The following HPSE2 variants were observed in gnomAD, a reference collection of about 807,000 sequenced individuals.
The protein encoded by HPSE2 is inactive heparanase-2.
Under a neutral mutation model 60.5 loss-of-function variants are expected in HPSE2, and 38 were observed. That is an observed-to-expected ratio of 0.63 (90% confidence interval 0.48 to 0.82). The LOEUF is 0.82. HPSE2 is among the 40% of genes least tolerant of loss of function. The probability of loss-of-function intolerance (pLI) is 0.00; values close to 1 mark genes in which losing one functional copy is unlikely to be tolerated. For missense variants in HPSE2, 713 were observed against 740.4 expected (o/e 0.96, Z 0.43); for synonymous variants, 295 against 293.2 (o/e 1.01, Z -0.06).
intron 3 of HPSE2, among the ~76,000 whole-genome samples, chr10:98,794,243 A>AT (rs67286674): frequency 0.033 from 4,733 of 144,246 alleles, 245 homozygotes; most frequent in African/African-American, 0.1. Context: ...CATTGCATTA[A>AT]TTTTTTTTTT....
At position 99,017,699 on chromosome 10, in the gene HPSE2, C is replaced by A. The variant is rs377082078; in HGVS notation, c.610+126539G>T. Among the ~76,000 whole-genome samples, 722 of 152,268 alleles carry A rather than the reference C, an allele frequency of 4.7e-3. 5 individuals are homozygous for A. The highest frequency in any genetic ancestry group is 8.4e-3 in the Non-Finnish European group (569 of 68,008). ...AGCCTATTTATTACTACCTCAATTT[C>A]AAAGCCTGTTACTTGACGTGGCTAC... On this transcript the variant is annotated intron_variant, in intron 3 of 11. Coordinates refer to ENST00000370552, the MANE Select transcript of HPSE2 (RefSeq NM_021828.5).
intron 9 of HPSE2, 30 bp from the exon 10 acceptor site, chr10:98,490,226 C>G: frequency 6.2e-7 from 1 of 1,609,708 alleles, no homozygotes; most frequent in Admixed American, 1.7e-5. Flanking sequence ...AGAGGGTCAG[C>G]GAGAGAACAC....
the HPSE2 span, among the ~76,000 whole-genome samples, chr10:99,275,716 T>G: frequency 1.3e-5 from 2 of 152,154 alleles, no homozygotes; most frequent in Admixed American, 1.3e-4. Flanking sequence ...AACAGTAACA[T>G]CCGTCTTGGG....
At chr10:98,907,859 T>C (rs1953867090) in intron 3 of HPSE2, among the ~76,000 whole-genome samples, 1 of 152,198 alleles carries the variant, frequency 6.6e-6, no homozygotes, top group African/African-American at 2.4e-5. Context: ...CAACAAACTA[T>C]AATTTCCTTT....
intron 9 of HPSE2, among the ~76,000 whole-genome samples, chr10:98,494,257 G>T (rs1361362352): frequency 6.6e-6 from 1 of 152,172 alleles, no homozygotes; most frequent in Non-Finnish European, 1.5e-5. Flanking sequence ...ATAACCTGAC[G>T]CATCCACCCT....
intron 4 of HPSE2, among the ~76,000 whole-genome samples, chr10:98,740,102 AAG>A (rs1339419448): frequency 1.3e-5 from 2 of 152,158 alleles, no homozygotes; most frequent in Admixed American, 1.3e-4. Flanking sequence ...GTTATATCCA[AAG>A]AAAGTAATTG....
intron 11 of HPSE2, among the ~76,000 whole-genome samples, chr10:98,465,961 G>C (rs1366589740): frequency 6.6e-6 from 1 of 152,206 alleles, no homozygotes; most frequent in East Asian, 1.9e-4. Flanking sequence ...GATTCAAAGT[G>C]TCAGTTTGGA....
chr10:98,772,260 A>G (rs1412509387), intron 3 of HPSE2, among the ~76,000 whole-genome samples: 3 of 152,138 alleles, frequency 2.0e-5, no homozygotes, highest in Non-Finnish European at 2.9e-5. Flanking sequence ...GGGCAAATAT[A>G]ATAGATGAGC....
At chr10:98,621,044 A>G (rs1251578336) in intron 7 of HPSE2, among the ~76,000 whole-genome samples, 2 of 152,158 alleles carry the variant, frequency 1.3e-5, no homozygotes, top group Non-Finnish European at 2.9e-5. Flanking sequence ...CCATATCAAC[A>G]AGCATTGAGA....
At chr10:98,987,103 G>A (rs11189923) in intron 3 of HPSE2, among the ~76,000 whole-genome samples, 72,034 of 150,772 alleles carry the variant, frequency 0.48, 19,086 homozygotes, top group East Asian at 0.62. Flanking sequence ...AAACTATTCC[G>A]ATCAATAGAA....
chr10:98,960,053 CA>C, intron 3 of HPSE2, among the ~76,000 whole-genome samples: 1 of 152,258 alleles, frequency 6.6e-6, no homozygotes, highest in Non-Finnish European at 1.5e-5. Context: ...TTATATCCAT[CA>C]AACCTAAAAT....
intron 9 of HPSE2, among the ~76,000 whole-genome samples, chr10:98,566,089 C>A (rs1413071107): frequency 6.6e-6 from 1 of 152,176 alleles, no homozygotes; most frequent in Non-Finnish European, 1.5e-5. Context: ...TACTGTGTTA[C>A]AATAAAAATA....
At chr10:99,302,027 A>C in the HPSE2 span, among the ~76,000 whole-genome samples, 3 of 152,018 alleles carry the variant, frequency 2.0e-5, no homozygotes, top group Non-Finnish European at 2.9e-5. Flanking sequence ...CTGACCTCAA[A>C]GATGAGCCCC....
chr10:98,825,556 T>C (rs551132647), intron 3 of HPSE2, among the ~76,000 whole-genome samples: 1 of 141,594 alleles, frequency 7.1e-6, no homozygotes, highest in East Asian at 2.3e-4. Flanking sequence ...AGAATTAAAT[T>C]AGCCTTCTCT....
chr10:98,533,395 T>A (rs1943188323), intron 9 of HPSE2, among the ~76,000 whole-genome samples: 1 of 152,126 alleles, frequency 6.6e-6, no homozygotes, highest in Admixed American at 6.5e-5. Flanking sequence ...TTCTTTTGAG[T>A]CATTGGAACA....
intron 3 of HPSE2, among the ~76,000 whole-genome samples, chr10:99,016,452 G>T (rs903888684): frequency 2.0e-5 from 3 of 152,104 alleles, no homozygotes; most frequent in African/African-American, 7.2e-5. Flanking sequence ...GGTATAGTTT[G>T]AAGTCAGGTA....
chr10:98,938,149 C>A (rs1318788738), intron 3 of HPSE2, among the ~76,000 whole-genome samples: 7 of 143,678 alleles, frequency 4.9e-5, no homozygotes, highest in South Asian at 2.1e-4. Flanking sequence ...AAAAACAGAG[C>A]AGAAAAACTG....
chr10:98,769,616 T>C (rs1352326851), intron 3 of HPSE2, among the ~76,000 whole-genome samples: 1 of 152,184 alleles, frequency 6.6e-6, no homozygotes, highest in Non-Finnish European at 1.5e-5. Flanking sequence ...AATGACTATG[T>C]AGAGATATGG....
intron 3 of HPSE2, among the ~76,000 whole-genome samples, chr10:98,913,372 T>C (rs1954033571): frequency 6.6e-6 from 1 of 152,222 alleles, no homozygotes; most frequent in Non-Finnish European, 1.5e-5. Context: ...TTTATTTATC[T>C]GCTTTAATAG....
Sources: gnomAD v4.1 joint callset for allele counts (sites outside exome capture counted in the v4.1 genomes callset) on GRCh38, gnomAD v4.1.1 for gene constraint, MANE v1.5 for transcripts, NCBI Gene and HGNC (gene_info 2026-07-23, HGNC 2026-07-21) for gene names.